Variants in HHAT observed in about 807,000 individuals in gnomAD.
HHAT encodes the protein hedgehog acyltransferase.
In HHAT, 47 loss-of-function variants were observed where a neutral mutation model predicts 70.8. That is an observed-to-expected ratio of 0.66 (90% CI 0.53 to 0.85). The LOEUF is 0.85. HHAT is among the 40% of genes least tolerant of loss of function. The pLI, the probability that HHAT is intolerant of heterozygous loss-of-function variation, is 0.00. For missense variants in HHAT, 609 were observed against 604.8 expected (o/e 1.01, Z -0.07); for synonymous variants, 228 against 247.6 (o/e 0.92, Z 0.74).
At chr1:210,626,204 G>A (rs950049103) in intron 11 of HHAT, among the ~76,000 whole-genome samples, 3 of 152,168 alleles carry the variant, frequency 2.0e-5, no homozygotes, top group Non-Finnish European at 4.4e-5. Context: ...ATTGAAGGGG[G>A]CAGAGAGAAA....
intron 6 of HHAT, among the ~76,000 whole-genome samples, chr1:210,410,354 C>T (rs1461693777): frequency 1.3e-5 from 2 of 150,954 alleles, no homozygotes; most frequent in East Asian, 3.9e-4. Context: ...CCATGCCTGG[C>T]CGGATTTTTT....
At chr1:210,626,402 T>C (rs56270633) in intron 11 of HHAT, among the ~76,000 whole-genome samples, 32,593 of 152,040 alleles carry the variant, frequency 0.21, 3,677 homozygotes, top group Admixed American at 0.26. Context: ...TCTATAAAAG[T>C]GGAGGGCTCT....
chr1:210,595,620 A>G (rs1393598717), intron 10 of HHAT, among the ~76,000 whole-genome samples: 1 of 152,010 alleles, frequency 6.6e-6, no homozygotes, highest in South Asian at 2.1e-4. Context: ...CATCCTCTCC[A>G]CCACCTGTTG....
intron 2 of HHAT, among the ~76,000 whole-genome samples, chr1:210,352,933 T>G (rs1210190364): frequency 1.4e-5 from 2 of 139,172 alleles, no homozygotes; most frequent in African/African-American, 5.2e-5. Flanking sequence ...CTCTGTTTAC[T>G]TTTTTTTTTT....
intron 8 of HHAT, among the ~76,000 whole-genome samples, chr1:210,505,070 T>G (rs1257769528): frequency 6.6e-6 from 1 of 152,098 alleles, no homozygotes; most frequent in East Asian, 1.9e-4. Context: ...GGCTAATTTT[T>G]GTATTTTTAG....
chr1:210,603,953 A>G (rs773248885), intron 10 of HHAT, among the ~76,000 whole-genome samples: 2 of 152,202 alleles, frequency 1.3e-5, no homozygotes, highest in African/African-American at 2.4e-5. Context: ...AGTTTACCTA[A>G]TAGGCTGGAG....
At position 210,549,409 on chromosome 1, in the gene HHAT, G is replaced by A. The variant is rs575379759; in HGVS notation, c.1043+36221G>A. 1.0e-3 allele frequency among the ~76,000 whole-genome samples: 153 copies of A among 148,704 alleles called. 3 individuals carry two copies. Among genetic ancestry groups the A allele is most frequent in the Admixed American group, 1.7e-3 (24 of 14,446 alleles). On this transcript the variant is annotated intron_variant, in intron 9 of 11. Transcript: ENST00000261458. ...TATTGTGGGGAGGTTTATATTCAGA[G>A]TCCATGGTTCTCTGAAGTCTAGGGT...
At chr1:210,412,817 T>A (rs2092603946) in intron 6 of HHAT, among the ~76,000 whole-genome samples, 1 of 152,230 alleles carries the variant, frequency 6.6e-6, no homozygotes, top group Non-Finnish European at 1.5e-5. Flanking sequence ...CCTGCCTCTG[T>A]GCAGTTCTTT....
At chr1:210,350,741 T>C (rs2086946791) in intron 2 of HHAT, among the ~76,000 whole-genome samples, 1 of 152,228 alleles carries the variant, frequency 6.6e-6, no homozygotes, top group Non-Finnish European at 1.5e-5. Context: ...ATATACCTTT[T>C]CTTTTTTGTT....
chr1:210,560,663 A>G (rs1280275249), intron 9 of HHAT, among the ~76,000 whole-genome samples: 1 of 151,086 alleles, frequency 6.6e-6, no homozygotes, highest in South Asian at 2.1e-4. Flanking sequence ...AAAAAAAAAA[A>G]GCCAGGTGTG....
At chr1:210,608,383 A>G (rs187804578) in intron 10 of HHAT, among the ~76,000 whole-genome samples, 13 of 152,332 alleles carry the variant, frequency 8.5e-5, no homozygotes, top group African/African-American at 2.9e-4. Flanking sequence ...GTATCAAAAT[A>G]GACTTGGATT....
rs1199264456 is a variant in HHAT, at chr1:210,550,677, T to C, written c.1044-37221T>C. ...TGCCTAATCTACAGAAGTGATGCCT[T>C]TTTTGTTTTTGAGACAGAGTCTCAC... On this transcript the variant is annotated intron_variant, in intron 9 of 11. Coordinates refer to ENST00000261458, the MANE Select transcript of HHAT (RefSeq NM_018194.6). Among the ~76,000 whole-genome samples, 16 of 148,832 alleles carry C rather than the reference T, an allele frequency of 1.1e-4. 3 individuals carry two copies. Among genetic ancestry groups the C allele is most frequent in the African/African-American group, 4.0e-4 (16 of 40,174 alleles).
At chr1:210,483,673 A>G (rs2094432505) in intron 8 of HHAT, among the ~76,000 whole-genome samples, 2 of 152,204 alleles carry the variant, frequency 1.3e-5, no homozygotes, top group Non-Finnish European at 2.9e-5. Context: ...ATGTAGTTTT[A>G]ATTTGTGAAT....
Position 210,375,824 on chromosome 1 carries a change from T to C in HHAT, c.160-11644T>C, listed in dbSNP as rs1023992733. ...GTCAGTTTTCTCTCTCTTGTTCAGA[T>C]TGGGTGATTTTTATTGACCTATCCT... On this transcript the variant is annotated intron_variant, in intron 3 of 11. Transcript: ENST00000261458. Among the ~76,000 whole-genome samples the C allele has an allele frequency of 2.6e-5, 4 of 151,210 alleles. No homozygotes were observed. In the East Asian group the frequency reaches 5.8e-4, roughly 22 times the overall value.
chr1:210,406,775 T>C (rs1351484879), intron 6 of HHAT, among the ~76,000 whole-genome samples: 1 of 152,184 alleles, frequency 6.6e-6, no homozygotes, highest in Non-Finnish European at 1.5e-5. Flanking sequence ...TTTAAGATTA[T>C]CTTCCACCTA....
intron 9 of HHAT, among the ~76,000 whole-genome samples, chr1:210,577,637 A>AGTTTTTTTTTTT (rs1658145507): frequency 1.7e-5 from 1 of 60,206 alleles, no homozygotes; most frequent in Non-Finnish European, 3.2e-5. Context: ...GGCCTGTAGG[A>AGTTTTTTTTTTT]TTTTTTTTTT....
At chr1:210,412,046 G>T (rs1024587171) in intron 6 of HHAT, among the ~76,000 whole-genome samples, 1 of 152,172 alleles carries the variant, frequency 6.6e-6, no homozygotes, top group Non-Finnish European at 1.5e-5. Context: ...CCTGCTTCCT[G>T]GTTCACAGGA....
chr1:210,587,875 C>T, intron 9 of HHAT, 23 bp from the exon 10 acceptor site: 1 of 1,603,668 alleles, frequency 6.2e-7, no homozygotes, highest in Non-Finnish European at 8.5e-7. Flanking sequence ...TGTATGTCTC[C>T]TAACAGCCTC....
At chr1:210,413,685 T>A (rs2092633048) in intron 6 of HHAT, among the ~76,000 whole-genome samples, 1 of 152,240 alleles carries the variant, frequency 6.6e-6, no homozygotes, top group African/African-American at 2.4e-5. Context: ...AGGATTGCTT[T>A]TCATTCAGTT....
Sources: allele counts gnomAD v4.1 joint callset (sites outside exome capture counted in the v4.1 genomes callset), GRCh38; gene constraint gnomAD v4.1.1; transcripts MANE v1.5; gene names NCBI Gene and HGNC (gene_info 2026-07-23, HGNC 2026-07-21).